SIM2: variants seen among roughly 807,000 people sequenced by gnomAD.
SIM2 encodes the protein SIM bHLH transcription factor 2.
In SIM2, 28 loss-of-function variants were observed where a neutral mutation model predicts 64.8. The observed-to-expected ratio is 0.43, with a 90% confidence interval of 0.32 to 0.59. SIM2 has a LOEUF of 0.59. SIM2 is among the 20% of genes least tolerant of loss of function. The probability of loss-of-function intolerance (pLI) is 0.07; values close to 1 mark genes in which losing one functional copy is unlikely to be tolerated. For synonymous variants in SIM2, 408 were observed against 391.1 expected, an observed-to-expected ratio of 1.04 and a Z score of -0.51; for missense variants, 847 against 871.4, an observed-to-expected ratio of 0.97 and a Z score of 0.35.
chr21:36,746,754 A>T (rs771892198), intron 10 of SIM2, among the ~76,000 whole-genome samples: 7 of 152,228 alleles, frequency 4.6e-5, no homozygotes, highest in Non-Finnish European at 1.0e-4. Context: ...TCTCCAGAAC[A>T]TCCAAGCAAA....
At chr21:36,719,497 A>G (rs1186441637) in intron 3 of SIM2, among the ~76,000 whole-genome samples, 2 of 152,148 alleles carry the variant, frequency 1.3e-5, no homozygotes, top group South Asian at 2.1e-4. Context: ...TGTATGAAGG[A>G]TGCTGCCCAG....
intron 1 of SIM2, among the ~76,000 whole-genome samples, chr21:36,704,332 C>T (rs994573940): frequency 3.3e-5 from 5 of 152,226 alleles, no homozygotes; most frequent in Admixed American, 1.3e-4. Context: ...AATTCTCTAC[C>T]TCCGCTGGAA....
chr21:36,735,593 G>A (rs572395269), intron 7 of SIM2, among the ~76,000 whole-genome samples: 1 of 152,054 alleles, frequency 6.6e-6, no homozygotes, highest in Non-Finnish European at 1.5e-5. Context: ...TTGGGGACAT[G>A]TGCCCCACTG....
chr21:36,716,516 A>C (rs1192194388), intron 3 of SIM2, among the ~76,000 whole-genome samples: 1 of 152,196 alleles, frequency 6.6e-6, no homozygotes, highest in Admixed American at 6.5e-5. Flanking sequence ...AAGACAACAT[A>C]ATTATGTTTG....
intron 1 of SIM2, among the ~76,000 whole-genome samples, chr21:36,702,542 G>C (rs2074728011): frequency 6.6e-6 from 1 of 152,200 alleles, no homozygotes; most frequent in African/African-American, 2.4e-5. Context: ...TGGGAACTTG[G>C]GGCAGAGGAA....
intron 2 of SIM2, chr21:36,710,066 C>G (rs2088653296): frequency 6.4e-6 from 1 of 155,352 alleles, no homozygotes; most frequent in Non-Finnish European, 1.4e-5. Context: ...CCCACCTCAG[C>G]CTTCCAAAGT....
chr21:36,710,800 G>T (rs558556291), intron 2 of SIM2, among the ~76,000 whole-genome samples: 10 of 152,202 alleles, frequency 6.6e-5, no homozygotes, highest in Non-Finnish European at 1.3e-4. Context: ...AACATAAAGC[G>T]CATGGTGTGG....
At chr21:36,733,392 T>G (rs1026330270) in intron 7 of SIM2, among the ~76,000 whole-genome samples, 7 of 151,800 alleles carry the variant, frequency 4.6e-5, no homozygotes, top group Admixed American at 1.3e-4. Context: ...GCCTGGCTAA[T>G]TTTTTTAGTT....
Position 36,747,951 on chromosome 21 carries a change from C to T in SIM2, c.1863C>T (p.Gly621=). Reference sequence around the variant, plus strand: ...GGGGCGCCGCACCCGCCGCCTCCGGCCTGGCCTGCGCTCCCGGCGGCCCCG... The same window carrying T: ...GGGGCGCCGCACCCGCCGCCTCCGGTCTGGCCTGCGCTCCCGGCGGCCCCG... The part of the protein sequence containing the change: ...PLGGAAPAAS[G]LACAPGGPEA... The change falls in exon 11 of 11, where the codon GGC becomes GGT. Residue 621 remains glycine (G), a synonymous_variant. Transcript: ENST00000290399. The surrounding 1 kb of genome is among the most constrained non-coding windows in gnomAD (Gnocchi z 4.5). 9.9e-7 allele frequency: 1 copy of T among 1,010,720 alleles called. No individual in the cohort carries two copies. The highest frequency in any genetic ancestry group is 1.2e-6 in the Non-Finnish European group (1 of 850,936). The allele number at this position is 1,010,720 out of a possible 1,614,324, so 62.6% of individuals were successfully genotyped here. A position where few individuals can be genotyped will look rare whatever the true frequency, so the allele number is the denominator to read the frequency against.
intron 7 of SIM2, among the ~76,000 whole-genome samples, chr21:36,737,496 G>A (rs1280958342): frequency 6.6e-6 from 1 of 152,226 alleles, no homozygotes; most frequent in African/African-American, 2.4e-5. Context: ...TGGTCCATAG[G>A]TGGAGAAGGG....
Position 36,745,440 on chromosome 21 carries a change from T to C in SIM2, c.1576+304T>C. 1 of 1,261,230 alleles carries C rather than the reference T, an allele frequency of 7.9e-7. No individual in the cohort carries two copies. Among genetic ancestry groups the C allele is most frequent in the Admixed American group, 3.6e-5 (1 of 28,034 alleles). The allele number at this position is 1,261,230 out of a possible 1,614,324, so 78.1% of individuals were successfully genotyped here. On this transcript the variant is annotated intron_variant, in intron 10 of 10. Transcript: ENST00000290399. This position sits in a 1 kb window ranked among gnomAD's most constrained non-coding sequence, Gnocchi z 4.8. ...TTCACCAACCAAAGGGGGACAGTGATTTTCAAAACCAGCTCCCATGTGCTG... is the reference window on the plus strand; with the variant it reads ...TTCACCAACCAAAGGGGGACAGTGACTTTCAAAACCAGCTCCCATGTGCTG...
intron 2 of SIM2, 132 bp downstream of exon 2, chr21:36,709,382 G>A (rs757535079): frequency 5.1e-6 from 4 of 786,118 alleles, no homozygotes; most frequent in South Asian, 4.4e-5. Flanking sequence ...TGGGGATGGG[G>A]TGGTCCCCAC....
At chr21:36,713,164 A>G (rs1269134983) in intron 3 of SIM2, among the ~76,000 whole-genome samples, 1 of 152,210 alleles carries the variant, frequency 6.6e-6, no homozygotes, top group Non-Finnish European at 1.5e-5. Flanking sequence ...AGCATTTTAT[A>G]TGCTTGTGAT....
At chr21:36,732,881 G>A (rs1450647240) in intron 7 of SIM2, among the ~76,000 whole-genome samples, 1 of 152,184 alleles carries the variant, frequency 6.6e-6, no homozygotes, top group Non-Finnish European at 1.5e-5. Flanking sequence ...AGAGTGGAGG[G>A]GCTCTGCAGT....
chr21:36,712,118 G>T (rs2088683252), intron 2 of SIM2, among the ~76,000 whole-genome samples: 1 of 152,208 alleles, frequency 6.6e-6, no homozygotes, highest in African/African-American at 2.4e-5. Flanking sequence ...TGTCCTAGTG[G>T]TATAAATGAC....
rs900447923 is a variant in SIM2 at position 36,745,804 on chromosome 21, T to C, written c.1576+668T>C. On this transcript the variant is annotated intron_variant, in intron 10 of 10. Coordinates refer to ENST00000290399, the MANE Select transcript of SIM2 (RefSeq NM_005069.6). The surrounding 1 kb of genome is among the most constrained non-coding windows in gnomAD (Gnocchi z 4.8). Reference sequence around the variant, plus strand: ...CTTCTCCTGGTGGCAGGCAAGCAGATGTCCTCTGCGGAGATACCGCCAGCT... The same window carrying C: ...CTTCTCCTGGTGGCAGGCAAGCAGACGTCCTCTGCGGAGATACCGCCAGCT... 5 of 1,303,682 alleles carry C rather than the reference T, an allele frequency of 3.8e-6. No homozygotes were observed. Among genetic ancestry groups the C allele is most frequent in the Admixed American group, 4.6e-5 (2 of 43,548 alleles). The allele number at this position is 1,303,682 out of a possible 1,614,324, so 80.8% of individuals were successfully genotyped here.
intron 6 of SIM2, among the ~76,000 whole-genome samples, chr21:36,727,366 G>A (rs2088905744): frequency 6.6e-6 from 1 of 152,156 alleles, no homozygotes; most frequent in Admixed American, 6.5e-5. Flanking sequence ...AGTGACAAAC[G>A]CTAACTGCGT....
At chr21:36,722,953 A>G (rs2088843161) in intron 4 of SIM2, 92 bp from the exon 5 acceptor site, 1 of 970,972 alleles carries the variant, frequency 1.0e-6, no homozygotes, top group Non-Finnish European at 1.7e-6. Context: ...TGGGTGCTGC[A>G]TCTGGCCCTG....
chr21:36,745,000 G>C lies in SIM2; in HGVS notation c.1440G>C (p.Leu480=), dbSNP rs893338712. 46 of 1,614,126 alleles carry C rather than the reference G, an allele frequency of 2.8e-5. No individual in the cohort carries two copies. Among genetic ancestry groups the C allele is most frequent in the Non-Finnish European group, 3.9e-5 (46 of 1,180,052 alleles). Residue 480 remains leucine (L), a synonymous_variant, in exon 10 of 11, where the codon CTG becomes CTC. Coordinates refer to ENST00000290399, the MANE Select transcript of SIM2 (RefSeq NM_005069.6). The part of the protein sequence containing the change: ...GSPCEVARFF[L]STLPASGECQ... The stretch of plus-strand genomic sequence containing the variant: ...CTTGTGAGGTGGCACGCTTTTTCCT[G>C]AGCACACTGCCAGCCAGCGGTGAAT...
Sources: allele counts gnomAD v4.1 joint callset (sites outside exome capture counted in the v4.1 genomes callset), GRCh38; gene constraint gnomAD v4.1.1; non-coding constraint Gnocchi (gnomAD v3.1); transcripts MANE v1.5; gene names NCBI Gene and HGNC (gene_info 2026-07-23, HGNC 2026-07-21).